Variants in RUNX2 observed in about 807,000 individuals in gnomAD.
RUNX2 encodes RUNX family transcription factor 2, also known as runt-related transcription factor 2.
RUNX2 carries 10 observed loss-of-function variants against 51.7 expected under a neutral mutation model. The ratio of observed to expected loss-of-function variants is 0.19; its 90% CI spans 0.12 to 0.33. The LOEUF (loss-of-function observed/expected upper bound fraction) is 0.33. Ranked by LOEUF, RUNX2 falls within the 10% of genes least tolerant of loss-of-function variation. The probability of loss-of-function intolerance (pLI) is 1.00; values close to 1 mark genes in which losing one functional copy is unlikely to be tolerated. For synonymous variants in RUNX2, 276 were observed against 273.6 expected, an observed-to-expected ratio of 1.01 and a Z score of -0.09; for missense variants, 562 against 691.3, an observed-to-expected ratio of 0.81 and a Z score of 2.10.
chr6:45,432,099 A>G, intron 4 of RUNX2, 80 bp downstream of exon 4: 1 of 1,288,610 alleles, frequency 7.8e-7, no homozygotes, highest in African/African-American at 1.5e-5. Context: ...GTCTGTATAC[A>G]AATCAGCACC....
chr6:45,376,932 G>A (rs1011729673), intron 2 of RUNX2, among the ~76,000 whole-genome samples: 5 of 151,188 alleles, frequency 3.3e-5, no homozygotes, highest in Non-Finnish European at 5.9e-5. Flanking sequence ...TCTTTCTACC[G>A]AAATAACTTA....
chr6:45,330,414 G>A (rs1584944780), intron 2 of RUNX2, among the ~76,000 whole-genome samples: 1 of 151,786 alleles, frequency 6.6e-6, no homozygotes, highest in Non-Finnish European at 1.5e-5. Context: ...CTTGAAACAG[G>A]GATAACAGAG....
At chr6:45,462,870 C>T (rs1799514581) in intron 5 of RUNX2, among the ~76,000 whole-genome samples, 1 of 152,158 alleles carries the variant, frequency 6.6e-6, no homozygotes, top group African/African-American at 2.4e-5. Flanking sequence ...CATCAATTAC[C>T]ACAGTGAGTC....
intron 2 of RUNX2, among the ~76,000 whole-genome samples, chr6:45,407,363 T>G (rs1000652036): frequency 6.6e-6 from 1 of 152,132 alleles, no homozygotes. Flanking sequence ...ATATATGTAA[T>G]GCAGGGGAAA....
chr6:45,542,517 G>A (rs796145021), intron 7 of RUNX2, among the ~76,000 whole-genome samples: 20 of 152,202 alleles, frequency 1.3e-4, no homozygotes, highest in African/African-American at 4.6e-4. Context: ...GGTCCTAAGG[G>A]GATCATACCC....
chr6:45,368,327 A>C (rs1290255582), intron 2 of RUNX2, among the ~76,000 whole-genome samples: 1 of 152,200 alleles, frequency 6.6e-6, no homozygotes, highest in Non-Finnish European at 1.5e-5. Context: ...AGCTAATATT[A>C]TAACACACCT....
chr6:45,512,725 A>C (rs1582192332), intron 7 of RUNX2, among the ~76,000 whole-genome samples: 1 of 152,098 alleles, frequency 6.6e-6, no homozygotes, highest in African/African-American at 2.4e-5. Flanking sequence ...TGAGGGTATT[A>C]TGCCAGGATT....
At chr6:45,452,741 A>G (rs1174103605) in intron 5 of RUNX2, among the ~76,000 whole-genome samples, 1 of 152,186 alleles carries the variant, frequency 6.6e-6, no homozygotes, top group Non-Finnish European at 1.5e-5. Flanking sequence ...ATTTTCTCTA[A>G]GGGAAAAAAA....
Position 45,546,820 on chromosome 6 carries a change from T to C in RUNX2, c.1088-7T>C. ...TTTTTCCCTCCATCTTCTGTTATAA[T>C]TTTTAGGTGCTTCAGAACTGGGCCC... On this transcript the variant is annotated splice_polypyrimidine_tract_variant and splice_region_variant and intron_variant, in intron 8 of 8. Transcript: ENST00000647337. 1 of 1,607,532 alleles carries C rather than the reference T, an allele frequency of 6.2e-7. No individual in the cohort carries two copies. The highest frequency in any genetic ancestry group is 8.5e-7 in the Non-Finnish European group (1 of 1,174,088).
At chr6:45,521,033 T>C (rs1801492385) in intron 7 of RUNX2, among the ~76,000 whole-genome samples, 1 of 152,180 alleles carries the variant, frequency 6.6e-6, no homozygotes, top group African/African-American at 2.4e-5. Context: ...TCCTTTAGCA[T>C]AAAAATTTAA....
chr6:45,434,816 GTA>G (rs1798637502), intron 4 of RUNX2, among the ~76,000 whole-genome samples: 2 of 152,050 alleles, frequency 1.3e-5, no homozygotes, highest in South Asian at 4.1e-4. Context: ...ATAACAGGCT[GTA>G]TTTTATCACT....
At chr6:45,507,126 G>C (rs1800992855) in intron 6 of RUNX2, among the ~76,000 whole-genome samples, 2 of 152,014 alleles carry the variant, frequency 1.3e-5, no homozygotes, top group African/African-American at 2.4e-5. Context: ...AAGGATATTT[G>C]TGTTTATGCT....
At chr6:45,426,790 A>C (rs903685277) in intron 3 of RUNX2, among the ~76,000 whole-genome samples, 1 of 152,236 alleles carries the variant, frequency 6.6e-6, no homozygotes, top group Non-Finnish European at 1.5e-5. Context: ...TCAAAATGAC[A>C]GAGCAATTTC....
chr6:45,454,222 T>C (rs1799256672), intron 5 of RUNX2, among the ~76,000 whole-genome samples: 1 of 152,232 alleles, frequency 6.6e-6, no homozygotes, highest in African/African-American at 2.4e-5. Context: ...CACTCATTCT[T>C]GCTGAGGGTC....
chr6:45,459,880 C>A (rs754920999), intron 5 of RUNX2, among the ~76,000 whole-genome samples: 1 of 152,068 alleles, frequency 6.6e-6, no homozygotes, highest in Non-Finnish European at 1.5e-5. Flanking sequence ...AAATAGGGAG[C>A]GAGCCATCTA....
chr6:45,496,519 C>T (rs1042061040), intron 6 of RUNX2, among the ~76,000 whole-genome samples: 36 of 152,086 alleles, frequency 2.4e-4, no homozygotes, highest in Admixed American at 4.6e-4. Context: ...GGTAACAACT[C>T]GGAGAGGGAA....
At chr6:45,336,088 T>A (rs1296297365) in intron 2 of RUNX2, among the ~76,000 whole-genome samples, 1 of 151,388 alleles carries the variant, frequency 6.6e-6, no homozygotes, top group African/African-American at 2.4e-5. Flanking sequence ...TCACATATTA[T>A]AAACTCCAGT....
At chr6:45,439,642 A>G (rs184406157) in intron 5 of RUNX2, among the ~76,000 whole-genome samples, 1 of 152,166 alleles carries the variant, frequency 6.6e-6, no homozygotes, top group African/African-American at 2.4e-5. Flanking sequence ...CAGTTCTTGG[A>G]AAAACCATTT....
chr6:45,493,858 C>T (rs896250041), intron 6 of RUNX2, among the ~76,000 whole-genome samples: 2 of 151,760 alleles, frequency 1.3e-5, no homozygotes, highest in African/African-American at 4.8e-5. Context: ...AATATATGTT[C>T]CATGATTTGG....
Sources: gnomAD v4.1 joint callset for allele counts (sites outside exome capture counted in the v4.1 genomes callset) on GRCh38, gnomAD v4.1.1 for gene constraint, MANE v1.5 for transcripts, NCBI Gene and HGNC (gene_info 2026-07-23, HGNC 2026-07-21) for gene names.